The following EDRF1 variants were observed in gnomAD, a reference collection of about 807,000 sequenced individuals.
EDRF1 encodes the protein erythroid differentiation-related factor 1.
EDRF1 carries 69 observed loss-of-function variants against 148.7 expected under a neutral mutation model. That is an observed-to-expected ratio of 0.46 (90% CI 0.38 to 0.57). The LOEUF (loss-of-function observed/expected upper bound fraction) is 0.57. EDRF1 is among the 20% of genes least tolerant of loss of function. EDRF1 has a pLI of 0.00. For synonymous variants in EDRF1, 515 were observed against 532.8 expected, an observed-to-expected ratio of 0.97 and a Z score of 0.46; for missense variants, 1,118 against 1,478.7, an observed-to-expected ratio of 0.76 and a Z score of 4.00.
chr10:125,761,517 G>T (rs1850194202), intron 24 of EDRF1, among the ~76,000 whole-genome samples: 1 of 152,198 alleles, frequency 6.6e-6, no homozygotes, highest in African/African-American at 2.4e-5. Context: ...GGATTCATGG[G>T]TTGTTCCCAT....
intron 19 of EDRF1, chr10:125,747,145 A>C: frequency 4.9e-6 from 1 of 202,094 alleles, no homozygotes; most frequent in South Asian, 8.3e-5. Context: ...ACAAGGTAGG[A>C]GGAGATACTT....
Position 125,741,042 on chromosome 10 carries a change from C to CTGTT in EDRF1, c.2213_2216dup (p.Leu739PhefsTer13). 6.2e-7 allele frequency: 1 copy of CTGTT among 1,614,106 alleles called. No individual in the cohort carries two copies. The highest frequency in any genetic ancestry group is 8.5e-7 in the Non-Finnish European group (1 of 1,180,040). On this transcript the variant is annotated frameshift_variant, in exon 17 of 25. Transcript: ENST00000356792. LOFTEE classifies it high-confidence loss of function. ...CTGCACCAATATGCTTTCCGAAGTG[C>CTGTT]TGTTGTTTCTCTCTCAATATTTGAC...
At chr10:125,726,950 G>T (rs1185422747) in intron 6 of EDRF1, among the ~76,000 whole-genome samples, 1 of 152,208 alleles carries the variant, frequency 6.6e-6, no homozygotes, top group Non-Finnish European at 1.5e-5. Flanking sequence ...AACTCTTGGA[G>T]AGTCGGGAAT....
At chr10:125,720,537 C>G (rs1194180914) in intron 1 of EDRF1, among the ~76,000 whole-genome samples, 1 of 152,158 alleles carries the variant, frequency 6.6e-6, no homozygotes, top group African/African-American at 2.4e-5. Flanking sequence ...TGGCCGGGCG[C>G]GGTGGCTCAC....
chr10:125,744,019 C>T (rs116179201), intron 18 of EDRF1, among the ~76,000 whole-genome samples: 1 of 152,004 alleles, frequency 6.6e-6, no homozygotes, highest in African/African-American at 2.4e-5. Flanking sequence ...AATTTGTAGT[C>T]AATTTGAAGT....
At chr10:125,731,187 G>A (rs1201965420) in intron 9 of EDRF1, among the ~76,000 whole-genome samples, 1 of 152,148 alleles carries the variant, frequency 6.6e-6, no homozygotes, top group Non-Finnish European at 1.5e-5. Flanking sequence ...ATAAATAATT[G>A]TTGAAGGAAA....
chr10:125,726,252 CAG>C (rs1174916329), intron 6 of EDRF1, among the ~76,000 whole-genome samples: 1 of 152,106 alleles, frequency 6.6e-6, no homozygotes, highest in African/African-American at 2.4e-5. Flanking sequence ...TATTGAGACT[CAG>C]AGACCCATTT....
intron 19 of EDRF1, 39 bp from the exon 20 acceptor site, chr10:125,747,497 A>C: frequency 6.2e-7 from 1 of 1,610,180 alleles, no homozygotes; most frequent in Non-Finnish European, 8.5e-7. Context: ...GTATATGTTT[A>C]AGCTGAGTCA....
At position 125,724,765 on chromosome 10, in the gene EDRF1, C is replaced by G. The variant is rs967825762; in HGVS notation, c.511-553C>G. ...CATTGTTGCAGTTTCTCAAGAACTACCCTCCATATCTGTACTTTTCTTGGG... is the reference window on the plus strand; with the variant it reads ...CATTGTTGCAGTTTCTCAAGAACTAGCCTCCATATCTGTACTTTTCTTGGG... On this transcript the variant is annotated intron_variant, in intron 4 of 24. Transcript: ENST00000356792. Among the ~76,000 whole-genome samples the G allele has an allele frequency of 2.6e-4, 39 of 152,162 alleles. 1 individual carries two copies. Among genetic ancestry groups the G allele is most frequent in the African/African-American group, 9.2e-4 (38 of 41,438 alleles).
chr10:125,729,554 T>C (rs1848406750), intron 8 of EDRF1, 75 bp downstream of exon 8: 1 of 1,592,806 alleles, frequency 6.3e-7, no homozygotes, highest in African/African-American at 1.3e-5. Flanking sequence ...TCCATCAGAC[T>C]GAGGTTGCAG....
chr10:125,747,715 A>G (rs1849433911), intron 20 of EDRF1, 21 bp downstream of exon 20: 1 of 1,613,826 alleles, frequency 6.2e-7, no homozygotes, highest in Non-Finnish European at 8.5e-7. Flanking sequence ...TTGCTGGAGT[A>G]TAAAATAAGT....
intron 22 of EDRF1, chr10:125,749,806 C>A: frequency 2.0e-6 from 1 of 508,454 alleles, no homozygotes; most frequent in Admixed American, 3.2e-5. Context: ...CCCATGACCC[C>A]TAGTTTGGAA....
At chr10:125,748,191 C>T (rs190155627) in intron 21 of EDRF1, 179 bp downstream of exon 21, 6 of 724,072 alleles carry the variant, frequency 8.3e-6, no homozygotes, top group Admixed American at 6.3e-5. Flanking sequence ...ACAATATGTC[C>T]GCATTGTGCT....
intron 21 of EDRF1, chr10:125,749,206 C>G (rs1344947116): frequency 1.8e-6 from 1 of 567,668 alleles, no homozygotes; most frequent in African/African-American, 1.9e-5. Flanking sequence ...AGGATTGCAC[C>G]ACTGCATCTC....
Position 125,719,865 on chromosome 10 carries a change from G to C in EDRF1, c.58G>C (p.Gly20Arg), listed in dbSNP as rs1417990526. 5 of 1,613,068 alleles carry C rather than the reference G, an allele frequency of 3.1e-6. No homozygotes were observed. The highest frequency in any genetic ancestry group is 3.4e-6 in the Non-Finnish European group (4 of 1,179,848). Residue 20 changes from glycine (G) to arginine (R), a missense_variant, in exon 1 of 25, where the codon GGA becomes CGA. Coordinates refer to ENST00000356792, the MANE Select transcript of EDRF1 (RefSeq NM_001202438.2). ...EGPPAGAAAR[G>R]GLSLLSQGES... ...TCCGCCGGCCGGGGCCGCCGCTCGA[G>C]GAGGGCTCAGCCTCCTGTCCCAGGG...
chr10:125,754,762 T>C (rs1432549656), intron 24 of EDRF1, among the ~76,000 whole-genome samples: 2 of 152,246 alleles, frequency 1.3e-5, no homozygotes, highest in Non-Finnish European at 2.9e-5. Flanking sequence ...AAGTGCAATC[T>C]GGCCATATTA....
chr10:125,752,501 G>A (rs1381415401), intron 22 of EDRF1, among the ~76,000 whole-genome samples: 3 of 152,296 alleles, frequency 2.0e-5, no homozygotes, highest in East Asian at 1.9e-4. Flanking sequence ...GGTGGGCCTC[G>A]AGCCCCAGAC....
At chr10:125,756,471 G>A (rs1358634872) in intron 24 of EDRF1, among the ~76,000 whole-genome samples, 1 of 152,204 alleles carries the variant, frequency 6.6e-6, no homozygotes, top group Non-Finnish European at 1.5e-5. Context: ...GTATTGTTCA[G>A]GTCTTCTGTA....
chr10:125,721,512 G>A, intron 2 of EDRF1, 100 bp downstream of exon 2: 2 of 1,111,068 alleles, frequency 1.8e-6, no homozygotes, highest in Non-Finnish European at 1.3e-6. Flanking sequence ...AACTTGTCGA[G>A]ATTTCTCTTT....
Sources: allele counts gnomAD v4.1 joint callset (sites outside exome capture counted in the v4.1 genomes callset), GRCh38; gene constraint gnomAD v4.1.1; transcripts MANE v1.5; gene names NCBI Gene and HGNC (gene_info 2026-07-23, HGNC 2026-07-21).